Variants in OR2C1 observed in about 807,000 individuals in gnomAD.
OR2C1 encodes olfactory receptor 2C1.
For synonymous variants in OR2C1, 209 were observed against 167.3 expected (o/e 1.25, Z -1.92); for missense variants, 468 against 388.3 (o/e 1.21, Z -1.73).
the OR2C1 span, among the ~76,000 whole-genome samples, chr16:3,336,696 TTTTCTTTC>T: frequency 1.8e-5 from 2 of 110,222 alleles, no homozygotes; most frequent in African/African-American, 6.9e-5. Flanking sequence ...TTCTATTTTC[TTTTCTTTC>T]TTTCTTTCTT....
chr16:3,353,983 C>CTT (rs1001983184), upstream of OR2C1, among the ~76,000 whole-genome samples: 218 of 115,462 alleles, frequency 1.9e-3, 1 homozygote, highest in African/African-American at 6.0e-3. Context: ...CTTTTCTTTT[C>CTT]TTTTTTTTTT....
At chr16:3,346,208 G>A in the OR2C1 span, among the ~76,000 whole-genome samples, 1 of 151,942 alleles carries the variant, frequency 6.6e-6, no homozygotes, top group Non-Finnish European at 1.5e-5. Context: ...GTGTGTGTAT[G>A]TTCTGACTCT....
the OR2C1 span, among the ~76,000 whole-genome samples, chr16:3,340,072 A>C: frequency 6.6e-6 from 1 of 152,094 alleles, no homozygotes; most frequent in Non-Finnish European, 1.5e-5. Flanking sequence ...TGAGGTCAGG[A>C]GTTCGAGACC....
chr16:3,328,222 T>C, the OR2C1 span, among the ~76,000 whole-genome samples: 3 of 152,222 alleles, frequency 2.0e-5, no homozygotes, highest in African/African-American at 7.2e-5. Flanking sequence ...TATGGCCAGT[T>C]AATACTTGCC....
chr16:3,340,675 C>A, the OR2C1 span, among the ~76,000 whole-genome samples: 2 of 152,122 alleles, frequency 1.3e-5, no homozygotes, highest in African/African-American at 4.8e-5. Context: ...ATACAGTTGT[C>A]TCAGCAGCAT....
the OR2C1 span, among the ~76,000 whole-genome samples, chr16:3,348,828 C>T: frequency 6.6e-6 from 1 of 152,208 alleles, no homozygotes; most frequent in African/African-American, 2.4e-5. Flanking sequence ...TAAGTTCTTG[C>T]TTCTCACAGG....
At chr16:3,326,018 T>C in the OR2C1 span, among the ~76,000 whole-genome samples, 128,307 of 150,446 alleles carry the variant, frequency 0.85, 54,782 homozygotes, top group South Asian at 0.96. Context: ...GCAAGCTCTG[T>C]CTCCTGGGTT....
the OR2C1 span, among the ~76,000 whole-genome samples, chr16:3,325,217 A>T: frequency 6.6e-6 from 1 of 151,932 alleles, no homozygotes; most frequent in Non-Finnish European, 1.5e-5. Context: ...CCTGGCCTCA[A>T]CCGATTAGCC....
At chr16:3,332,720 C>CATATATAT in the OR2C1 span, among the ~76,000 whole-genome samples, 11,839 of 148,442 alleles carry the variant, frequency 0.08, 613 homozygotes, top group East Asian at 0.31. Context: ...TATTCTATTG[C>CATATATAT]ATATATATAT....
chr16:3,328,308 A>G, the OR2C1 span, among the ~76,000 whole-genome samples: 1 of 152,256 alleles, frequency 6.6e-6, no homozygotes, highest in Non-Finnish European at 1.5e-5. Context: ...TCCTCGTGCC[A>G]TAAGCTACTG....
At chr16:3,327,364 G>A in the OR2C1 span, among the ~76,000 whole-genome samples, 1 of 152,010 alleles carries the variant, frequency 6.6e-6, no homozygotes, top group Non-Finnish European at 1.5e-5. Flanking sequence ...GACAATCTCT[G>A]CCCTAAACCA....
At chr16:3,354,190 G>A (rs1408949690), upstream of OR2C1, among the ~76,000 whole-genome samples, 2 of 151,994 alleles carry the variant, frequency 1.3e-5, no homozygotes, top group Non-Finnish European at 1.5e-5. Flanking sequence ...TCACCATGTT[G>A]GCCAGGCTGA....
chr16:3,353,628 C>G (rs919930327), upstream of OR2C1, among the ~76,000 whole-genome samples: 1 of 152,026 alleles, frequency 6.6e-6, no homozygotes, highest in Non-Finnish European at 1.5e-5. Context: ...TGGTGAAACC[C>G]CGCCTCTACT....
chr16:3,353,333 A>C (rs560331519), upstream of OR2C1, among the ~76,000 whole-genome samples: 1 of 151,628 alleles, frequency 6.6e-6, no homozygotes, highest in South Asian at 2.1e-4. Context: ...TCTACTAAAA[A>C]CACAAAAATG....
At chr16:3,333,037 G>A in the OR2C1 span, among the ~76,000 whole-genome samples, 17 of 152,006 alleles carry the variant, frequency 1.1e-4, no homozygotes, top group East Asian at 3.3e-3. Context: ...CTCGCCAGCA[G>A]CTGTTATTTT....
At chr16:3,339,075 A>T in the OR2C1 span, among the ~76,000 whole-genome samples, 3 of 152,154 alleles carry the variant, frequency 2.0e-5, no homozygotes, top group Non-Finnish European at 2.9e-5. Flanking sequence ...GGGTTTAAAT[A>T]TTCTGAATAA....
At chr16:3,337,743 G>A in the OR2C1 span, among the ~76,000 whole-genome samples, 1 of 151,970 alleles carries the variant, frequency 6.6e-6, no homozygotes, top group African/African-American at 2.4e-5. Context: ...TGTTAGGGAC[G>A]GTCCTGGTCC....
the OR2C1 span, among the ~76,000 whole-genome samples, chr16:3,335,011 G>T: frequency 6.6e-6 from 1 of 151,694 alleles, no homozygotes; most frequent in South Asian, 2.1e-4. Flanking sequence ...TAGAGACGGG[G>T]TTTCACCATG....
chr16:3,323,766 A>G, the OR2C1 span: 37 of 704,046 alleles, frequency 5.3e-5, no homozygotes, highest in South Asian at 6.0e-4. Flanking sequence ...TGTAGGAATG[A>G]TTCCAGTCCC....
Sources: gnomAD v4.1 joint callset for allele counts (sites outside exome capture counted in the v4.1 genomes callset) on GRCh38, gnomAD v4.1.1 for gene constraint, MANE v1.5 for transcripts, NCBI Gene and HGNC (gene_info 2026-07-23, HGNC 2026-07-21) for gene names.